Variants in NUFIP1 observed in about 807,000 individuals in gnomAD.
NUFIP1 encodes the protein FMR1-interacting protein NUFIP1.
A neutral mutation model predicts 56.2 loss-of-function variants in NUFIP1; 38 were observed. The observed-to-expected ratio is 0.68, with a 90% CI of 0.52 to 0.89. The LOEUF (loss-of-function observed/expected upper bound fraction) is 0.89, where lower values mean the gene tolerates loss of function less well. NUFIP1 is among the 40% of genes least tolerant of loss of function. NUFIP1 has a pLI of 0.00. For missense variants in NUFIP1, 567 were observed against 605.8 expected, an observed-to-expected ratio of 0.94 and a Z score of 0.67; for synonymous variants, 215 against 212.4, an observed-to-expected ratio of 1.01 and a Z score of -0.10.
At chr13:44,986,970 C>A (rs746475560) in intron 1 of NUFIP1, among the ~76,000 whole-genome samples, 23 of 152,118 alleles carry the variant, frequency 1.5e-4, no homozygotes, top group Non-Finnish European at 3.2e-4. Context: ...CACAGGCATT[C>A]CACCACGCCT....
At chr13:44,946,524 T>C (rs1870906589) in intron 8 of NUFIP1, among the ~76,000 whole-genome samples, 1 of 152,180 alleles carries the variant, frequency 6.6e-6, no homozygotes, top group Admixed American at 6.5e-5. Flanking sequence ...TTGGAAGTAT[T>C]TCTTATTAAA....
chr13:44,941,240 A>G lies in NUFIP1; in HGVS notation c.1454T>C (p.Leu485Pro), dbSNP rs779525706. ...TTTACTTTTCGCAGAATTAGTATCCAGTCCAAAAAAGTCTTTTTTGATGAT... is the reference window on the plus strand; with the variant it reads ...TTTACTTTTCGCAGAATTAGTATCCGGTCCAAAAAAGTCTTTTTTGATGAT... ...RYIIKKDFFG[L>P]DTNSAKSKDV Residue 485 changes from leucine (L) to proline (P), a missense_variant, in exon 10 of 10, where the codon CTG becomes CCG. Physicochemically the swap from Leu to Pro is moderately conservative, Grantham distance 98 (BLOSUM62 -3). Coordinates refer to ENST00000379161, the MANE Select transcript of NUFIP1 (RefSeq NM_012345.3). 2.5e-6 allele frequency: 4 copies of G among 1,607,660 alleles called. No homozygotes were observed. The highest frequency in any genetic ancestry group is 3.4e-6 in the Non-Finnish European group (4 of 1,176,216).
chr13:44,944,460 T>C (rs1870847847), intron 8 of NUFIP1, among the ~76,000 whole-genome samples: 1 of 152,098 alleles, frequency 6.6e-6, no homozygotes. Context: ...CGAAAACTGA[T>C]AGAACTGAGA....
At chr13:44,984,866 C>T (rs756945356) in intron 1 of NUFIP1, among the ~76,000 whole-genome samples, 2 of 152,080 alleles carry the variant, frequency 1.3e-5, no homozygotes, top group African/African-American at 2.4e-5. Context: ...CCGTTCCCCC[C>T]ACCCCACAAC....
chr13:44,981,756 G>A (rs1872197548), intron 2 of NUFIP1, among the ~76,000 whole-genome samples: 1 of 152,032 alleles, frequency 6.6e-6, no homozygotes, highest in South Asian at 2.1e-4. Flanking sequence ...AGGTTGCAGT[G>A]AGCCAAGATC....
At chr13:44,987,883 A>G (rs1354023087) in intron 1 of NUFIP1, among the ~76,000 whole-genome samples, 5 of 152,234 alleles carry the variant, frequency 3.3e-5, no homozygotes, top group African/African-American at 1.2e-4. Flanking sequence ...CCCACGATCT[A>G]CAAAGACATA....
At chr13:44,954,166 C>T (rs998568986) in intron 7 of NUFIP1, among the ~76,000 whole-genome samples, 1 of 152,158 alleles carries the variant, frequency 6.6e-6, no homozygotes, top group African/African-American at 2.4e-5. Flanking sequence ...ACAGCTAAAA[C>T]ATCTTTCTAA....
At position 44,983,834 on chromosome 13, in the gene NUFIP1, C is replaced by G. The variant is rs540339439; in HGVS notation, c.413-1680G>C. ...TAATAAAGGATGAGTTTGACCTTCT[C>G]TCACTCTCTCTCACCATGTGATGCC... On this transcript the variant is annotated intron_variant, in intron 1 of 9. Coordinates refer to ENST00000379161, the MANE Select transcript of NUFIP1 (RefSeq NM_012345.3). Among the ~76,000 whole-genome samples the G allele has an allele frequency of 2.0e-5, 3 of 152,098 alleles. No individual in the cohort carries two copies. The South Asian group carries it at 6.2e-4, about 32-fold the overall frequency.
At chr13:44,941,449 C>G (rs1870732872) in intron 9 of NUFIP1, 127 bp from the exon 10 acceptor site, 1 of 550,494 alleles carries the variant, frequency 1.8e-6, no homozygotes, top group Non-Finnish European at 3.2e-6. Context: ...ATTATATTCA[C>G]TATTTTGCTA....
At chr13:44,951,697 T>C (rs1043575983) in intron 7 of NUFIP1, among the ~76,000 whole-genome samples, 1 of 152,216 alleles carries the variant, frequency 6.6e-6, no homozygotes, top group African/African-American at 2.4e-5. Flanking sequence ...CAAGTGAATA[T>C]GGCAATAAAG....
chr13:44,987,289 A>C (rs1370130433), intron 1 of NUFIP1, among the ~76,000 whole-genome samples: 1 of 152,056 alleles, frequency 6.6e-6, no homozygotes, highest in Non-Finnish European at 1.5e-5. Context: ...GAGGCAGGAG[A>C]ATCACCTCAA....
chr13:44,976,445 G>GGAGGAA lies in NUFIP1; in HGVS notation c.734+2739_734+2744dup. 1.3e-5 allele frequency among the ~76,000 whole-genome samples: 2 copies of GGAGGAA among 151,232 alleles called. 1 individual carries two copies. The highest frequency in any genetic ancestry group is 2.9e-5 in the Non-Finnish European group (2 of 67,888). On this transcript the variant is annotated intron_variant, in intron 5 of 9. Coordinates refer to ENST00000379161, the MANE Select transcript of NUFIP1 (RefSeq NM_012345.3). ...AAGAGGAGGAGGAGGAAGAGGAAGA[G>GGAGGAA]GAGGAAGAGGAAGAAGAAAAAGAAG... is the stretch of plus-strand genomic sequence containing the variant.
chr13:44,941,260 G>A lies in NUFIP1; in HGVS notation c.1434C>T (p.Ile478=), dbSNP rs17066360. The A allele has an allele frequency of 0.043, 68,767 of 1,610,958 alleles. 2,535 individuals are homozygous for A. The highest frequency in any genetic ancestry group is 0.17 in the East Asian group (7,575 of 44,700). ...TATCCAGTCCAAAAAAGTCTTTTTT[G>A]ATGATGTACCGAACACACTGCAAAA... ...NVILQCVRYI[I]KKDFFGLDTN... is the part of the protein sequence containing the mutation. The change falls in exon 10 of 10, where the codon ATC becomes ATT. Residue 478 remains isoleucine (I), a synonymous_variant. Coordinates refer to ENST00000379161, the MANE Select transcript of NUFIP1 (RefSeq NM_012345.3).
At chr13:44,947,850 A>G (rs1412199269) in intron 8 of NUFIP1, among the ~76,000 whole-genome samples, 3 of 152,216 alleles carry the variant, frequency 2.0e-5, no homozygotes, top group Non-Finnish European at 4.4e-5. Flanking sequence ...AGAGCACAAA[A>G]AAATGCTATT....
At chr13:44,982,215 T>G in intron 1 of NUFIP1, 61 bp from the exon 2 acceptor site, 1 of 745,044 alleles carries the variant, frequency 1.3e-6, no homozygotes. Flanking sequence ...TATAATTAAA[T>G]TTTATCTACT....
At chr13:44,944,184 T>C (rs1870840028) in intron 8 of NUFIP1, among the ~76,000 whole-genome samples, 1 of 152,164 alleles carries the variant, frequency 6.6e-6, no homozygotes, top group African/African-American at 2.4e-5. Flanking sequence ...CATTTGAAAG[T>C]ACACGATGAA....
intron 7 of NUFIP1, 52 bp from the exon 8 acceptor site, chr13:44,949,890 T>C (rs754016210): frequency 1.8e-6 from 2 of 1,111,740 alleles, no homozygotes; most frequent in African/African-American, 1.5e-5. Context: ...AAAAAAGCTG[T>C]CCATCCCCCA....
chr13:44,958,387 A>G (rs1871314168), intron 7 of NUFIP1, among the ~76,000 whole-genome samples: 1 of 152,232 alleles, frequency 6.6e-6, no homozygotes, highest in Non-Finnish European at 1.5e-5. Context: ...ATCTATATAA[A>G]GCATATAGAG....
rs767070680 is a variant in NUFIP1, at chr13:44,943,538, T to C, written c.1275A>G (p.Lys425=). 1.2e-6 allele frequency: 2 copies of C among 1,614,190 alleles called. No individual in the cohort carries two copies. Among genetic ancestry groups the C allele is most frequent in the Admixed American group, 3.3e-5 (2 of 60,026 alleles). Residue 425 remains lysine (K), a synonymous_variant, in exon 9 of 10, where the codon AAA becomes AAG. Coordinates refer to ENST00000379161, the MANE Select transcript of NUFIP1 (RefSeq NM_012345.3). The part of the protein sequence containing the change: ...FSEAKSENRK[K]SFEKTNPKRK... ...TCTTAGGGTTTGTTTTTTCAAAGCTTTTCTTTCGGTTCTCACTCTTGGCTT... is the reference window on the plus strand; with the variant it reads ...TCTTAGGGTTTGTTTTTTCAAAGCTCTTCTTTCGGTTCTCACTCTTGGCTT...
Sources: allele counts gnomAD v4.1 joint callset (sites outside exome capture counted in the v4.1 genomes callset), GRCh38; gene constraint gnomAD v4.1.1; transcripts MANE v1.5; gene names NCBI Gene and HGNC (gene_info 2026-07-23, HGNC 2026-07-21).